SIRT5: variants seen among roughly 807,000 people sequenced by gnomAD.
SIRT5 encodes sirtuin 5.
In SIRT5, 26 loss-of-function variants were observed where a neutral mutation model predicts 40.0. The observed-to-expected ratio is 0.65, with a 90% CI of 0.48 to 0.90. SIRT5 has a LOEUF of 0.90. Ranked by LOEUF, SIRT5 falls within the 40% of genes least tolerant of loss-of-function variation. The probability of loss-of-function intolerance (pLI) is 0.00; values close to 1 mark genes in which losing one functional copy is unlikely to be tolerated. For synonymous variants in SIRT5, 146 were observed against 149.1 expected, an observed-to-expected ratio of 0.98 and a Z score of 0.15; for missense variants, 401 against 402.4, an observed-to-expected ratio of 1.00 and a Z score of 0.03.
In SIRT5 at chr6:13,595,534, G is replaced by A; in HGVS notation, c.533G>A (p.Ser178Asn). The A allele has an allele frequency of 6.2e-7, 1 of 1,613,986 alleles. No individual in the cohort carries two copies. Among genetic ancestry groups the A allele is most frequent in the Non-Finnish European group, 8.5e-7 (1 of 1,179,882 alleles). The change falls in exon 6 of 10, where the codon AGT becomes AAT. Residue 178 changes from serine to asparagine, a missense_variant. Ser to Asn is a conservative substitution (Grantham distance 46). Coordinates refer to ENST00000606117, the MANE Select transcript of SIRT5 (RefSeq NM_012241.5). ...GGAGTTGTGGCTGAGAATTACAAGA[G>A]TCCAATTTGTCCAGCTTTATCAGGA... ...SCGVVAENYK[S>N]PICPALSGKG...
At chr6:13,591,039 TGTA>T (rs903202672) in intron 4 of SIRT5, among the ~76,000 whole-genome samples, 1 of 151,660 alleles carries the variant, frequency 6.6e-6, no homozygotes, top group Non-Finnish European at 1.5e-5. Context: ...CTTTAGTGTG[TGTA>T]GTATATGTAG....
intron 5 of SIRT5, among the ~76,000 whole-genome samples, chr6:13,594,150 GGCTGAATCT>G (rs1298635393): frequency 2.6e-5 from 4 of 152,132 alleles, no homozygotes. Context: ...AGGATCCAGG[GGCTGAATCT>G]GCCCGGTCAG....
At position 13,611,838 on chromosome 6, in the gene SIRT5, C is replaced by G. The variant is rs764236426; in HGVS notation, c.906C>G (p.Ala302=). 1.9e-6 allele frequency: 3 copies of G among 1,613,858 alleles called. No homozygotes were observed. The Admixed American group carries it at 5.0e-5, about 27-fold the overall frequency. ...PCGTTLPEAL[A]CHENETVS ...GAACGACTCTTCCTGAAGCCCTTGC[C>G]TGTCATGAAAATGAAACTGTTTCTT... Residue 302 remains alanine, a synonymous_variant, in exon 10 of 10, where the codon GCC becomes GCG. Transcript: ENST00000606117.
chr6:13,574,875 TCCGAACAGAG>T (rs1758383219), intron 1 of SIRT5, 131 bp downstream of exon 1: 1 of 152,098 alleles, frequency 6.6e-6, no homozygotes, highest in Non-Finnish European at 1.5e-5. Context: ...CCGCGAGGGC[TCCGAACAGAG>T]CCTCCCTTTT....
chr6:13,604,859 A>C, intron 9 of SIRT5: 1 of 1,029,516 alleles, frequency 9.7e-7, no homozygotes, highest in Non-Finnish European at 1.2e-6. Flanking sequence ...TGTCTCTAAC[A>C]AACAGGCTAC....
intron 8 of SIRT5, 27 bp downstream of exon 8, chr6:13,599,182 G>T: frequency 6.2e-7 from 1 of 1,608,344 alleles, no homozygotes; most frequent in East Asian, 2.2e-5. Flanking sequence ...CCTAACCCCA[G>T]GACAGGACTG....
chr6:13,599,067 C>T lies in SIRT5; in HGVS notation c.653C>T (p.Pro218Leu). Residue 218 changes from proline to leucine, a missense_variant, in exon 8 of 10, where the codon CCT (proline) becomes CTT (leucine). Pro to Leu is a moderately conservative substitution (Grantham distance 98). Coordinates refer to ENST00000606117, the MANE Select transcript of SIRT5 (RefSeq NM_012241.5). ...EEAGCGGLLRPHVVWFGENLD... is the reference protein window; with the variant it reads ...EEAGCGGLLRLHVVWFGENLD... ...GCAGGCTGCGGGGGCTTGCTGCGAC[C>T]TCACGTCGTGTGGTTTGGAGAAAAC... The T allele has an allele frequency of 1.2e-6, 2 of 1,614,070 alleles. No individual in the cohort carries two copies. Among genetic ancestry groups the T allele is most frequent in the Non-Finnish European group, 1.7e-6 (2 of 1,180,016 alleles).
intron 5 of SIRT5, among the ~76,000 whole-genome samples, chr6:13,592,793 G>C (rs1241039947): frequency 1.3e-5 from 2 of 152,182 alleles, no homozygotes; most frequent in Non-Finnish European, 2.9e-5. Context: ...CTTGTCCACA[G>C]TCATAATGGG....
At chr6:13,606,469 A>T (rs1763120490) in intron 9 of SIRT5, among the ~76,000 whole-genome samples, 1 of 152,040 alleles carries the variant, frequency 6.6e-6, no homozygotes, top group South Asian at 2.1e-4. Context: ...TTGAAGCGAT[A>T]GTTGACCGTG....
At chr6:13,581,739 A>G (rs934277850) in intron 2 of SIRT5, among the ~76,000 whole-genome samples, 1 of 152,198 alleles carries the variant, frequency 6.6e-6, no homozygotes, top group South Asian at 2.1e-4. Context: ...TCTATTGAAC[A>G]TAAACCACGT....
Position 13,614,450 on chromosome 6 carries a change from G to C in SIRT5, c.*2585G>C, listed in dbSNP as rs867412992. 2.6e-5 allele frequency: 4 copies of C among 152,212 alleles called. No homozygotes were observed. The allele number at this position is 152,212 out of a possible 1,614,324, so 9.4% of individuals were successfully genotyped here. On this transcript the variant is annotated 3_prime_UTR_variant, in exon 10 of 10. Transcript: ENST00000606117. ...TGGCAGGTGTGAAACAGTTTGATTTGTTCAAAGAATGATGAATCACTTAGT... is the reference window on the plus strand; with the variant it reads ...TGGCAGGTGTGAAACAGTTTGATTTCTTCAAAGAATGATGAATCACTTAGT...
At chr6:13,602,342 T>A (rs1162381204) in intron 9 of SIRT5, among the ~76,000 whole-genome samples, 3 of 152,124 alleles carry the variant, frequency 2.0e-5, no homozygotes, top group Non-Finnish European at 4.4e-5. Flanking sequence ...TTTCAAAACT[T>A]ACTATGTATT....
At position 13,599,122 on chromosome 6, in the gene SIRT5, CAGAG is replaced by C. The variant is rs1562275658; in HGVS notation, c.711_714del (p.Arg237SerfsTer9). 1 of 1,614,082 alleles carries C rather than the reference CAGAG, an allele frequency of 6.2e-7. No individual in the cohort carries two copies. Among genetic ancestry groups the C allele is most frequent in the Non-Finnish European group, 8.5e-7 (1 of 1,179,988 alleles). On this transcript the variant is annotated frameshift_variant, in exon 8 of 10. Transcript: ENST00000606117. LOFTEE classifies it high-confidence loss of function. ...ATCCTGCCATTCTGGAGGAGGTTGA[CAGAG>C]AGCTCGCCCACTGTGATTTATGTCT...
At chr6:13,590,493 G>T (rs1011562227) in intron 4 of SIRT5, among the ~76,000 whole-genome samples, 2 of 151,996 alleles carry the variant, frequency 1.3e-5, no homozygotes, top group African/African-American at 4.8e-5. Context: ...GTAGATGTGT[G>T]TAGTTCTGTG....
rs756982194 is a variant in SIRT5, at chr6:13,591,734, G to A, written c.315G>A (p.Arg105=). The part of the protein sequence containing the change: ...PSRVWEFYHY[R]REVMGSKEPN... ...GGGTGTGGGAGTTCTACCACTACCGGCGGGAGGTCATGGGGAGCAAGGAGC... is the reference window on the plus strand; with the variant it reads ...GGGTGTGGGAGTTCTACCACTACCGACGGGAGGTCATGGGGAGCAAGGAGC... Residue 105 remains arginine (R), a synonymous_variant, in exon 5 of 10, where the codon CGG becomes CGA. Transcript: ENST00000606117. 5 of 1,611,918 alleles carry A rather than the reference G, an allele frequency of 3.1e-6. No individual in the cohort carries two copies. The highest frequency in any genetic ancestry group is 3.4e-6 in the Non-Finnish European group (4 of 1,178,406).
chr6:13,591,973 C>A, intron 5 of SIRT5, 79 bp downstream of exon 5: 2 of 1,287,938 alleles, frequency 1.6e-6, no homozygotes, highest in East Asian at 2.4e-5. Flanking sequence ...CCTCTGGTGC[C>A]TTCCCTCCCT....
rs1357692616 is a variant in SIRT5, at chr6:13,611,937, G to T, written c.*72G>T. On this transcript the variant is annotated 3_prime_UTR_variant, in exon 10 of 10. Transcript: ENST00000606117. ...ACACGCAGAGGAGAAATGGTCTTAT[G>T]GGTGGTGAGCTGAGTACTGAACAAT... 4.8e-6 allele frequency: 7 copies of T among 1,448,714 alleles called. No homozygotes were observed. The highest frequency in any genetic ancestry group is 6.8e-6 in the Non-Finnish European group (7 of 1,033,198). The allele number at this position is 1,448,714 out of a possible 1,614,324, so 89.7% of individuals were successfully genotyped here. A position where few individuals can be genotyped will look rare whatever the true frequency, so the allele number is the denominator to read the frequency against.
chr6:13,596,028 C>G (rs1035054220), intron 6 of SIRT5, among the ~76,000 whole-genome samples: 2 of 152,090 alleles, frequency 1.3e-5, no homozygotes, highest in South Asian at 4.1e-4. Context: ...CTAAATATAG[C>G]CATGTGATAA....
chr6:13,591,669 G>C lies in SIRT5; in HGVS notation c.250G>C (p.Asp84His), dbSNP rs746777707. ...CTCCTGCCTCCTCTCCCACTCCCAGGACCTGGCGACTCCCCTGGCCTTTGC... is the reference window on the plus strand; with the variant it reads ...CTCCTGCCTCCTCTCCCACTCCCAGCACCTGGCGACTCCCCTGGCCTTTGC... ...GGYWRKWQAQ[D>H]LATPLAFAHN... The change falls in exon 5 of 10, where the codon GAC becomes CAC. Residue 84 changes from aspartate to histidine, a missense_variant and splice_region_variant. Transcript: ENST00000606117. 1 of 1,554,588 alleles carries C rather than the reference G, an allele frequency of 6.4e-7. No homozygotes were observed. Among genetic ancestry groups the C allele is most frequent in the Non-Finnish European group, 8.7e-7 (1 of 1,143,656 alleles).
Sources: allele counts gnomAD v4.1 joint callset (sites outside exome capture counted in the v4.1 genomes callset), GRCh38; gene constraint gnomAD v4.1.1; transcripts MANE v1.5; gene names NCBI Gene and HGNC (gene_info 2026-07-23, HGNC 2026-07-21).